SLC35F3: variants seen among roughly 807,000 people sequenced by gnomAD.
SLC35F3 encodes the protein putative thiamine transporter SLC35F3.
SLC35F3 carries 25 observed loss-of-function variants against 49.9 expected under a neutral mutation model. The observed-to-expected ratio is 0.50, with a 90% CI of 0.37 to 0.70. The LOEUF is 0.70. SLC35F3 is among the 30% of genes least tolerant of loss of function. The pLI is 0.00. For missense variants in SLC35F3, 525 were observed against 639.8 expected, an observed-to-expected ratio of 0.82 and a Z score of 1.94; for synonymous variants, 275 against 265.4, an observed-to-expected ratio of 1.04 and a Z score of -0.35.
At chr1:234,244,173 C>T (rs1320222223) in intron 3 of SLC35F3, among the ~76,000 whole-genome samples, 2 of 152,186 alleles carry the variant, frequency 1.3e-5, no homozygotes, top group East Asian at 3.8e-4. Flanking sequence ...CATCCTCTAC[C>T]ATGCATACTT....
At position 234,007,311 on chromosome 1, in the gene SLC35F3, G is replaced by T. The variant is rs1663644633; in HGVS notation, c.283+101553G>T. On this transcript the variant is annotated intron_variant, in intron 2 of 7. Coordinates refer to ENST00000366618, the MANE Select transcript of SLC35F3 (RefSeq NM_173508.4). ...GCAGTTTTAATTAGGAGGGAAAGTG[G>T]TACTTGAGCAAAGCCTTGAAGAAGG... Among the ~76,000 whole-genome samples, 3 of 152,184 alleles carry T rather than the reference G, an allele frequency of 2.0e-5. No homozygotes were observed. The South Asian group carries it at 6.2e-4, about 32-fold the overall frequency.
At chr1:234,161,952 C>G (rs1666234245) in intron 2 of SLC35F3, among the ~76,000 whole-genome samples, 1 of 152,176 alleles carries the variant, frequency 6.6e-6, no homozygotes, top group Non-Finnish European at 1.5e-5. Flanking sequence ...CAAAGAGATA[C>G]TGCAGCCTAA....
chr1:233,939,320 A>G (rs573009530), intron 2 of SLC35F3, among the ~76,000 whole-genome samples: 4 of 152,112 alleles, frequency 2.6e-5, no homozygotes, highest in African/African-American at 9.6e-5. Context: ...TTGGGTATGG[A>G]AGCATGTGCC....
At position 234,013,404 on chromosome 1, in the gene SLC35F3, TAAAC is replaced by T. The variant is rs945670688; in HGVS notation, c.283+107649_283+107652del. On this transcript the variant is annotated intron_variant, in intron 2 of 7. Coordinates refer to ENST00000366618, the MANE Select transcript of SLC35F3 (RefSeq NM_173508.4). ...GTCAAAAAAGAAGAAAGATCTCAAA[TAAAC>T]AACCTAATGTTATACCTCAAGGAAC... Among the ~76,000 whole-genome samples the T allele has an allele frequency of 3.2e-4, 48 of 150,454 alleles. 1 individual carries two copies. Among genetic ancestry groups the T allele is most frequent in the African/African-American group, 1.1e-3 (46 of 40,928 alleles).
In SLC35F3 at chr1:234,227,396, T is replaced by C. The variant is rs796369473; in HGVS notation, c.284-4021T>C. Among the ~76,000 whole-genome samples the C allele has an allele frequency of 1.6e-4, 12 of 75,420 alleles. No individual in the cohort carries two copies. The African/African-American group carries it at 3.4e-3, about 21-fold the overall frequency. 49.5% of individuals were successfully genotyped at this position (75,420 alleles called of 152,430 possible). A position where few individuals can be genotyped will look rare whatever the true frequency, so the allele number is the denominator to read the frequency against. ...TGAGGCACTGCCTCTTTCTTTCTTT[T>C]TTTTTTTTTTTTTTTTTTTTGAGAT... On this transcript the variant is annotated intron_variant, in intron 2 of 7. Transcript: ENST00000366618.
intron 3 of SLC35F3, among the ~76,000 whole-genome samples, chr1:234,233,189 A>T (rs1667412118): frequency 6.6e-6 from 1 of 152,254 alleles, no homozygotes; most frequent in East Asian, 1.9e-4. Flanking sequence ...CAAAGGCAAG[A>T]GTAAAATAGT....
At chr1:234,035,800 C>T (rs1173242851) in intron 2 of SLC35F3, among the ~76,000 whole-genome samples, 1 of 152,178 alleles carries the variant, frequency 6.6e-6, no homozygotes. Flanking sequence ...ATCCTCATTT[C>T]GTGGATGCAA....
intron 2 of SLC35F3, among the ~76,000 whole-genome samples, chr1:234,016,272 A>C (rs1663801239): frequency 6.6e-6 from 1 of 152,242 alleles, no homozygotes; most frequent in South Asian, 2.1e-4. Context: ...TAGAATTACC[A>C]GCAATCTCAC....
At chr1:234,244,486 A>G (rs1036685122) in intron 3 of SLC35F3, among the ~76,000 whole-genome samples, 3 of 152,214 alleles carry the variant, frequency 2.0e-5, no homozygotes, top group Non-Finnish European at 4.4e-5. Flanking sequence ...TCCAAGGAGC[A>G]ATGCAGGAAT....
At chr1:233,952,310 C>T (rs1662620745) in intron 2 of SLC35F3, among the ~76,000 whole-genome samples, 1 of 152,138 alleles carries the variant, frequency 6.6e-6, no homozygotes, top group Admixed American at 6.5e-5. Context: ...CCATGACTTT[C>T]CTCCTTTTTT....
intron 2 of SLC35F3, among the ~76,000 whole-genome samples, chr1:233,968,268 CACAA>C: frequency 6.6e-6 from 1 of 152,106 alleles, no homozygotes; most frequent in Non-Finnish European, 1.5e-5. Flanking sequence ...CTTATAAGGA[CACAA>C]ATCATTTTGG....
chr1:234,317,741 A>C (rs1657525269), intron 5 of SLC35F3, among the ~76,000 whole-genome samples: 1 of 152,242 alleles, frequency 6.6e-6, no homozygotes. Context: ...GAGATGTGAT[A>C]ATCTAGCACC....
chr1:234,297,601 G>A (rs1036734481), intron 3 of SLC35F3, among the ~76,000 whole-genome samples: 7 of 152,080 alleles, frequency 4.6e-5, no homozygotes, highest in East Asian at 1.9e-4. Flanking sequence ...AGCTTGGGCC[G>A]GGCACAGTGG....
chr1:234,143,752 A>G (rs1665955097), intron 2 of SLC35F3, among the ~76,000 whole-genome samples: 1 of 152,218 alleles, frequency 6.6e-6, no homozygotes, highest in Non-Finnish European at 1.5e-5. Context: ...TTCCTTATCC[A>G]TTCATCATGT....
chr1:234,018,547 A>G (rs1663842828), intron 2 of SLC35F3, among the ~76,000 whole-genome samples: 1 of 152,210 alleles, frequency 6.6e-6, no homozygotes, highest in South Asian at 2.1e-4. Context: ...AGTAATGGAT[A>G]AAAAGACCAC....
chr1:234,028,931 G>A (rs905067919), intron 2 of SLC35F3, among the ~76,000 whole-genome samples: 3 of 152,180 alleles, frequency 2.0e-5, no homozygotes, highest in Admixed American at 1.3e-4. Flanking sequence ...AAGCAAGCAC[G>A]ATGATTTCCG....
chr1:234,143,063 A>G (rs1193661698), intron 2 of SLC35F3, among the ~76,000 whole-genome samples: 1 of 152,154 alleles, frequency 6.6e-6, no homozygotes, highest in Non-Finnish European at 1.5e-5. Context: ...AGCACCTAAA[A>G]TCTGCTTTCT....
chr1:234,136,731 G>A (rs1484098726), intron 2 of SLC35F3, among the ~76,000 whole-genome samples: 1 of 152,222 alleles, frequency 6.6e-6, no homozygotes, highest in Non-Finnish European at 1.5e-5. Context: ...GCAAGAACCC[G>A]ATTTGAGTCT....
At chr1:234,308,964 T>C (rs1657278552) in intron 3 of SLC35F3, 137 bp from the exon 4 acceptor site, 9 of 640,236 alleles carry the variant, frequency 1.4e-5, no homozygotes, top group Non-Finnish European at 2.2e-5. Context: ...AATAGAAAGA[T>C]GTTTATTAAA....
Sources: gnomAD v4.1 joint callset for allele counts (sites outside exome capture counted in the v4.1 genomes callset) on GRCh38, gnomAD v4.1.1 for gene constraint, MANE v1.5 for transcripts, NCBI Gene and HGNC (gene_info 2026-07-23, HGNC 2026-07-21) for gene names.